The following NELL1 variants were observed in gnomAD, a reference collection of about 807,000 sequenced individuals.
NELL1 encodes the protein protein kinase C-binding protein NELL1.
NELL1 carries 76 observed loss-of-function variants against 107.4 expected under a neutral mutation model. The ratio of observed to expected loss-of-function variants is 0.71; its 90% CI spans 0.59 to 0.86. The LOEUF (loss-of-function observed/expected upper bound fraction) is 0.86. NELL1 is among the 40% of genes least tolerant of loss of function. The pLI, the probability that NELL1 is intolerant of heterozygous loss-of-function variation, is 0.00. For synonymous variants in NELL1, 353 were observed against 341.2 expected, an observed-to-expected ratio of 1.03 and a Z score of -0.38; for missense variants, 1,024 against 1,005.5, an observed-to-expected ratio of 1.02 and a Z score of -0.25.
At position 20,866,535 on chromosome 11, in the gene NELL1, C is replaced by T. The variant is rs76570338; in HGVS notation, c.506+18782C>T. 4.1e-3 allele frequency among the ~76,000 whole-genome samples: 620 copies of T among 152,224 alleles called. 5 individuals are homozygous for T. Among genetic ancestry groups the T allele is most frequent in the African/African-American group, 0.014 (595 of 41,546 alleles). Reference sequence around the variant, plus strand: ...ACAGATGAAAAGGCCAATTTCTGGCCTTTTGTTTTTCAACATTCACAGAAT... The same window carrying T: ...ACAGATGAAAAGGCCAATTTCTGGCTTTTTGTTTTTCAACATTCACAGAAT... On this transcript the variant is annotated intron_variant, in intron 4 of 19. Coordinates refer to ENST00000357134, the MANE Select transcript of NELL1 (RefSeq NM_006157.5).
At chr11:20,923,919 A>G (rs1850434300) in intron 7 of NELL1, among the ~76,000 whole-genome samples, 1 of 152,194 alleles carries the variant, frequency 6.6e-6, no homozygotes, top group Non-Finnish European at 1.5e-5. Flanking sequence ...AATCCACCAC[A>G]CAACTAATGT....
At chr11:21,225,817 G>A in intron 13 of NELL1, among the ~76,000 whole-genome samples, 1 of 152,270 alleles carries the variant, frequency 6.6e-6, no homozygotes, top group East Asian at 1.9e-4. Context: ...CTTACCAGCT[G>A]TAACATGCTG....
chr11:20,868,619 T>C (rs1849138573), intron 4 of NELL1, among the ~76,000 whole-genome samples: 1 of 152,112 alleles, frequency 6.6e-6, no homozygotes, highest in African/African-American at 2.4e-5. Context: ...GGGTGAATTG[T>C]ACATGAATTA....
intron 7 of NELL1, among the ~76,000 whole-genome samples, chr11:20,919,841 T>G (rs1326490894): frequency 6.6e-6 from 1 of 152,152 alleles, no homozygotes; most frequent in Non-Finnish European, 1.5e-5. Context: ...AGGCAAAGTT[T>G]GCCTTTCAAC....
At position 20,930,012 on chromosome 11, in the gene NELL1, T is replaced by C. The variant is rs973981688; in HGVS notation, c.997+1533T>C. On this transcript the variant is annotated intron_variant, in intron 9 of 19. Transcript: ENST00000357134. Reference sequence around the variant, plus strand: ...AAAAAAAAAGGCTATTAGGGATGTATTAAAAAATGTGAGATGTTTTAGTCT... The same window carrying C: ...AAAAAAAAAGGCTATTAGGGATGTACTAAAAAATGTGAGATGTTTTAGTCT... Among the ~76,000 whole-genome samples the C allele has an allele frequency of 1.4e-4, 22 of 151,898 alleles. 1 individual carries two copies. Among genetic ancestry groups the C allele is most frequent in the Admixed American group, 1.4e-3 (22 of 15,234 alleles).
chr11:20,766,739 TA>T (rs142449788), intron 2 of NELL1, among the ~76,000 whole-genome samples: 32 of 149,192 alleles, frequency 2.1e-4, no homozygotes, highest in Admixed American at 3.3e-4. Flanking sequence ...CCTATTGACA[TA>T]TTTTTTTTTT....
intron 4 of NELL1, among the ~76,000 whole-genome samples, chr11:20,878,760 A>T (rs939698947): frequency 6.6e-6 from 1 of 152,208 alleles, no homozygotes; most frequent in African/African-American, 2.4e-5. Flanking sequence ...TAGGACTTTT[A>T]TAGCTATCTG....
At position 20,783,589 on chromosome 11, in the gene NELL1, C is replaced by A; in HGVS notation, c.185-91C>A. On this transcript the variant is annotated intron_variant, in intron 2 of 19. Transcript: ENST00000357134. ...CTTTTTTCCTCTTCCTTCTCATCTC[C>A]CCTCTCCTCTTTCTCCTATATTTCT... 8 of 821,798 alleles carry A rather than the reference C, an allele frequency of 9.7e-6. No homozygotes were observed. In the South Asian group the frequency reaches 1.2e-4, roughly 12 times the overall value. The allele number at this position is 821,798 out of a possible 1,614,324, so 50.9% of individuals were successfully genotyped here.
intron 13 of NELL1, among the ~76,000 whole-genome samples, chr11:21,136,464 C>T (rs770857369): frequency 1.3e-5 from 2 of 152,094 alleles, no homozygotes; most frequent in Non-Finnish European, 2.9e-5. Context: ...GTTCAGTAAT[C>T]TATGTATTTA....
At chr11:21,094,118 G>A (rs1349358036) in intron 12 of NELL1, among the ~76,000 whole-genome samples, 1 of 152,198 alleles carries the variant, frequency 6.6e-6, no homozygotes, top group Non-Finnish European at 1.5e-5. Flanking sequence ...ACGGGATTGG[G>A]TAAATACAGC....
intron 3 of NELL1, among the ~76,000 whole-genome samples, chr11:20,798,505 T>C (rs1485796118): frequency 1.0e-5 from 1 of 97,950 alleles, no homozygotes; most frequent in African/African-American, 2.6e-5. Context: ...TCCTAGAGAA[T>C]TTAAAAAAAC....
chr11:21,499,784 TTTC>T (rs1436436184), intron 15 of NELL1, among the ~76,000 whole-genome samples: 7 of 152,156 alleles, frequency 4.6e-5, no homozygotes, highest in African/African-American at 1.7e-4. Context: ...TAGTAAAGGC[TTTC>T]TTCTTTTGAG....
chr11:21,243,856 C>T (rs1165446445), intron 14 of NELL1, among the ~76,000 whole-genome samples: 2 of 152,042 alleles, frequency 1.3e-5, no homozygotes, highest in East Asian at 1.9e-4. Context: ...AAAAAAGGCA[C>T]ACTCTTTAAT....
At chr11:21,048,517 C>T (rs184913824) in intron 12 of NELL1, among the ~76,000 whole-genome samples, 29 of 152,154 alleles carry the variant, frequency 1.9e-4, no homozygotes, top group Non-Finnish European at 3.7e-4. Context: ...TAACCATGTT[C>T]CCTTGCTTCT....
chr11:21,511,799 G>C (rs1223922463), intron 15 of NELL1, among the ~76,000 whole-genome samples: 1 of 152,142 alleles, frequency 6.6e-6, no homozygotes, highest in East Asian at 1.9e-4. Context: ...AGAATGGTAT[G>C]GGATGAGAAA....
At chr11:21,281,552 G>A (rs1169415418) in intron 14 of NELL1, among the ~76,000 whole-genome samples, 1 of 152,120 alleles carries the variant, frequency 6.6e-6, no homozygotes, top group Non-Finnish European at 1.5e-5. Context: ...AGGGCCTTGA[G>A]TGAACTTAGG....
At chr11:21,026,432 A>T (rs1852815470) in intron 12 of NELL1, among the ~76,000 whole-genome samples, 1 of 152,156 alleles carries the variant, frequency 6.6e-6, no homozygotes, top group Non-Finnish European at 1.5e-5. Context: ...CATTTCACTG[A>T]ATCAGTATGG....
chr11:20,817,208 G>A (rs1857641640), intron 3 of NELL1, among the ~76,000 whole-genome samples: 1 of 152,130 alleles, frequency 6.6e-6, no homozygotes, highest in African/African-American at 2.4e-5. Context: ...AGTTTCAGTA[G>A]AATTGGTACC....
chr11:21,058,054 G>A (rs1282646596), intron 12 of NELL1, among the ~76,000 whole-genome samples: 3 of 152,018 alleles, frequency 2.0e-5, no homozygotes, highest in Non-Finnish European at 2.9e-5. Context: ...TATAAAAAAT[G>A]TCACTGTGTA....
Sources: gnomAD v4.1 joint callset for allele counts (sites outside exome capture counted in the v4.1 genomes callset) on GRCh38, gnomAD v4.1.1 for gene constraint, MANE v1.5 for transcripts, NCBI Gene and HGNC (gene_info 2026-07-23, HGNC 2026-07-21) for gene names.